PCDHGA4: variants seen among roughly 807,000 people sequenced by gnomAD.
The protein encoded by PCDHGA4 is protocadherin gamma subfamily A, 4, also known as protocadherin gamma-A4.
PCDHGA4 carries 38 observed loss-of-function variants against 54.6 expected under a neutral mutation model. That is an observed-to-expected ratio of 0.70 (90% CI 0.54 to 0.91). The LOEUF (loss-of-function observed/expected upper bound fraction) is 0.91, where lower values mean the gene tolerates loss of function less well. Among genes scored for constraint, PCDHGA4 ranks in the 40% least tolerant of loss-of-function variants. The pLI is 0.00. For missense variants in PCDHGA4, 1,298 were observed against 1,220.9 expected (o/e 1.06, Z -0.94); for synonymous variants, 511 against 512.9 (o/e 1.00, Z 0.05).
intron 3 of PCDHGA4, among the ~76,000 whole-genome samples, chr5:141,509,440 C>T (rs1036780108): frequency 2.0e-5 from 3 of 152,158 alleles, no homozygotes; most frequent in Non-Finnish European, 4.4e-5. Flanking sequence ...CTTGTTTCCT[C>T]CTCTCCCACC....
intron 1 of PCDHGA4, chr5:141,365,056 C>T: frequency 6.2e-7 from 1 of 1,613,906 alleles, no homozygotes; most frequent in Non-Finnish European, 8.5e-7. Flanking sequence ...CGCCCCTGTT[C>T]ACCCCATCCG....
At chr5:141,364,499 C>T (rs1763362832) in intron 1 of PCDHGA4, 1 of 1,614,006 alleles carries the variant, frequency 6.2e-7, no homozygotes, top group Non-Finnish European at 8.5e-7. Context: ...GCTGGAGCCC[C>T]AGGAGCTGGC....
At chr5:141,370,688 G>A (rs374195397) in intron 1 of PCDHGA4, 7 of 1,613,840 alleles carry the variant, frequency 4.3e-6, no homozygotes, top group Non-Finnish European at 5.9e-6. Context: ...TTTGTGGCAA[G>A]AAGTCGACGT....
intron 1 of PCDHGA4, chr5:141,375,115 A>G (rs987989099): frequency 1.2e-6 from 2 of 1,613,958 alleles, no homozygotes; most frequent in Non-Finnish European, 1.7e-6. Flanking sequence ...ATGATAATGT[A>G]CCAGAAGTGG....
intron 1 of PCDHGA4, among the ~76,000 whole-genome samples, chr5:141,443,035 CTT>C (rs2098359592): frequency 6.6e-6 from 1 of 152,208 alleles, no homozygotes; most frequent in African/African-American, 2.4e-5. Context: ...CAGACCTAAA[CTT>C]TGAAAATTAT....
Position 141,357,224 on chromosome 5 carries a change from TG to T in PCDHGA4, c.2120del (p.Gly707AlafsTer37). 6.2e-7 allele frequency: 1 copy of T among 1,613,828 alleles called. No homozygotes were observed. Among genetic ancestry groups the T allele is most frequent in the African/African-American group, 1.3e-5 (1 of 75,044 alleles). ...AGCATCCCAGATGTCCTGGCTGACT[TG>T]GGCAGCCTCAAGCCTTCAGCAGACC... is the stretch of plus-strand genomic sequence containing the variant. ...ADSIPDVLAD[L>X]GSLKPSADPD... On this transcript the variant is annotated frameshift_variant, in exon 1 of 4. Coordinates refer to ENST00000571252, the MANE Select transcript of PCDHGA4 (RefSeq NM_018917.4). LOFTEE classifies it high-confidence loss of function.
chr5:141,417,226 T>A (rs966071761), intron 1 of PCDHGA4: 4 of 152,134 alleles, frequency 2.6e-5, no homozygotes, highest in Admixed American at 1.3e-4. Flanking sequence ...GACAAAAAAA[T>A]TTGTTGCTTA....
chr5:141,372,514 T>C lies in PCDHGA4; in HGVS notation c.2514+14893T>C. ...ATCTCAGTGCTCTTCCTCCTCGCGG[T>C]GATTCTGGCAATCTCCCTGCGCCTG... On this transcript the variant is annotated intron_variant, in intron 1 of 3. Coordinates refer to ENST00000571252, the MANE Select transcript of PCDHGA4 (RefSeq NM_018917.4). 5 of 1,614,028 alleles carry C rather than the reference T, an allele frequency of 3.1e-6. No individual in the cohort carries two copies. The South Asian group carries it at 4.4e-5, about 14-fold the overall frequency.
intron 1 of PCDHGA4, chr5:141,388,159 G>A (rs1420782628): frequency 6.8e-7 from 1 of 1,473,814 alleles, no homozygotes; most frequent in African/African-American, 1.4e-5. Context: ...AGGCTAGACA[G>A]GGAGGAGATA....
At chr5:141,380,806 A>G (rs1175015074) in intron 1 of PCDHGA4, among the ~76,000 whole-genome samples, 1 of 152,258 alleles carries the variant, frequency 6.6e-6, no homozygotes, top group Non-Finnish European at 1.5e-5. Context: ...AACAAATGTG[A>G]GATGAAACTA....
chr5:141,485,895 C>G lies in PCDHGA4; in HGVS notation c.2515-8912C>G, dbSNP rs1243568042. On this transcript the variant is annotated intron_variant, in intron 1 of 3. Coordinates refer to ENST00000571252, the MANE Select transcript of PCDHGA4 (RefSeq NM_018917.4). This position sits in a 1 kb window ranked among gnomAD's most constrained non-coding sequence, Gnocchi z 5.7. Reference sequence around the variant, plus strand: ...CTGGACGTAAACGACAACGCCCCAGCCTTCCAGCAATCCAGCTACAGGATT... The same window carrying G: ...CTGGACGTAAACGACAACGCCCCAGGCTTCCAGCAATCCAGCTACAGGATT... 3 of 1,614,136 alleles carry G rather than the reference C, an allele frequency of 1.9e-6. No individual in the cohort carries two copies. The highest frequency in any genetic ancestry group is 2.5e-6 in the Non-Finnish European group (3 of 1,180,036).
In PCDHGA4 at chr5:141,510,983, C is replaced by T; in HGVS notation, c.2699C>T (p.Ala900Val). The change falls in exon 4 of 4, where the codon GCC becomes GTC. Residue 900 changes from alanine to valine, a missense_variant. Transcript: ENST00000571252. The stretch of plus-strand genomic sequence containing the variant: ...GGGAGCTCCACCCTGGGAGGGGGTG[C>T]CGGCACCATGGGATTGAGCGCCCGC... ...ADGSSTLGGG[A>V]GTMGLSARYG... The T allele has an allele frequency of 6.2e-7, 1 of 1,614,162 alleles. No homozygotes were observed. The highest frequency in any genetic ancestry group is 8.5e-7 in the Non-Finnish European group (1 of 1,180,012).
intron 1 of PCDHGA4, chr5:141,371,516 A>G: frequency 6.2e-7 from 1 of 1,613,882 alleles, no homozygotes. Flanking sequence ...CACATGATCT[A>G]GATTCTGGAT....
chr5:141,433,634 G>T (rs2097636752), intron 1 of PCDHGA4, among the ~76,000 whole-genome samples: 1 of 152,078 alleles, frequency 6.6e-6, no homozygotes, highest in Admixed American at 6.5e-5. Flanking sequence ...TTGGGAGTTT[G>T]AGACCAGCCT....
chr5:141,375,280 C>T (rs771324220), intron 1 of PCDHGA4: 1 of 1,613,676 alleles, frequency 6.2e-7, no homozygotes, highest in Non-Finnish European at 8.5e-7. Context: ...AATCAGTTGG[C>T]AATTATTATC....
intron 1 of PCDHGA4, chr5:141,407,951 A>G (rs1256400393): frequency 1.7e-6 from 1 of 578,448 alleles, no homozygotes; most frequent in Non-Finnish European, 2.8e-6. Flanking sequence ...GCTGTCGGCC[A>G]GTGCAGAGCA....
chr5:141,501,971 G>A (rs2099812098), intron 2 of PCDHGA4, among the ~76,000 whole-genome samples: 1 of 151,956 alleles, frequency 6.6e-6, no homozygotes. Context: ...CCTAACCTCT[G>A]GCATCTGGTC....
intron 1 of PCDHGA4, chr5:141,408,692 A>C: frequency 6.2e-7 from 1 of 1,613,906 alleles, no homozygotes; most frequent in Non-Finnish European, 8.5e-7. Context: ...TGATATAAAC[A>C]TAAACTCAAT....
In PCDHGA4 at chr5:141,431,770, T is replaced by G. The variant is rs748816389; in HGVS notation, c.2515-63037T>G. The G allele has an allele frequency of 3.7e-6, 6 of 1,614,204 alleles. No homozygotes were observed. In the South Asian group the frequency reaches 6.6e-5, roughly 18 times the overall value. ...CGCGAGCCAAAGTCCTGATCACTGT[T>G]CTGGACGTGAACGACAATGCCCCAG... On this transcript the variant is annotated intron_variant, in intron 1 of 3. Coordinates refer to ENST00000571252, the MANE Select transcript of PCDHGA4 (RefSeq NM_018917.4). The surrounding 1 kb of genome is among the most constrained non-coding windows in gnomAD (Gnocchi z 4.8).
Sources: gnomAD v4.1 joint callset for allele counts (sites outside exome capture counted in the v4.1 genomes callset) on GRCh38, gnomAD v4.1.1 for gene constraint, Gnocchi (gnomAD v3.1) non-coding constraint, MANE v1.5 for transcripts, NCBI Gene and HGNC (gene_info 2026-07-23, HGNC 2026-07-21) for gene names.